The following EHMT1 variants were observed in gnomAD, a reference collection of about 807,000 sequenced individuals.
The protein encoded by EHMT1 is histone-lysine N-methyltransferase EHMT1.
Under a neutral mutation model 147.2 loss-of-function variants are expected in EHMT1, and 15 were observed. The observed-to-expected ratio is 0.10, with a 90% CI of 0.07 to 0.16. EHMT1 has a LOEUF of 0.16. EHMT1 is among the 10% of genes least tolerant of loss of function. EHMT1 has a pLI of 1.00. For synonymous variants in EHMT1, 795 were observed against 709.6 expected, an observed-to-expected ratio of 1.12 and a Z score of -1.91; for missense variants, 1,587 against 1,772.4, an observed-to-expected ratio of 0.90 and a Z score of 1.88.
At chr9:137,668,397 A>G (rs1463817035) in intron 1 of EHMT1, among the ~76,000 whole-genome samples, 13 of 151,254 alleles carry the variant, frequency 8.6e-5, no homozygotes, top group Middle Eastern at 3.4e-3. Flanking sequence ...ACTGTCTACT[A>G]TCCACCTCAC....
intron 25 of EHMT1, among the ~76,000 whole-genome samples, chr9:137,829,388 C>T (rs1179525365): frequency 6.6e-6 from 1 of 152,202 alleles, no homozygotes; most frequent in Non-Finnish European, 1.5e-5. Context: ...TCCTATTCCC[C>T]CACTTGGACT....
intron 6 of EHMT1, among the ~76,000 whole-genome samples, chr9:137,748,858 C>G (rs1564686657): frequency 6.6e-6 from 1 of 152,052 alleles, no homozygotes; most frequent in Non-Finnish European, 1.5e-5. Context: ...GTTGTGTAGT[C>G]GACATGATTC....
intron 1 of EHMT1, among the ~76,000 whole-genome samples, chr9:137,672,915 T>C (rs1314057591): frequency 6.6e-6 from 1 of 152,198 alleles, no homozygotes; most frequent in Non-Finnish European, 1.5e-5. Context: ...CTTTACCGAT[T>C]GCAGAGAATT....
Position 137,787,750 on chromosome 9 carries a change from G to A in EHMT1, c.2383-3098G>A, listed in dbSNP as rs1952104484. On this transcript the variant is annotated intron_variant, in intron 15 of 26. Coordinates refer to ENST00000460843, the MANE Select transcript of EHMT1 (RefSeq NM_024757.5). This position sits in a 1 kb window ranked among gnomAD's most constrained non-coding sequence, Gnocchi z 4.2. ...CCACCGAAACATCGTAGATGCTTTT[G>A]TTGGGTGACACACCCTGGAAGAGGG... The A allele has an allele frequency of 1.3e-6, 1 of 789,178 alleles. No homozygotes were observed. Among genetic ancestry groups the A allele is most frequent in the Non-Finnish European group, 2.2e-6 (1 of 448,322 alleles). 48.9% of individuals were successfully genotyped at this position (789,178 alleles called of 1,614,324 possible).
chr9:137,777,865 G>T lies in EHMT1; in HGVS notation c.2019-17G>T, dbSNP rs375371535. On this transcript the variant is annotated splice_polypyrimidine_tract_variant and intron_variant, in intron 12 of 26. Transcript: ENST00000460843. ...TTCGTGTTTTCATAAACCTTTCCCCGATTTCCTCCCCTGAAGTGCTGCCGG... is the reference window on the plus strand; with the variant it reads ...TTCGTGTTTTCATAAACCTTTCCCCTATTTCCTCCCCTGAAGTGCTGCCGG... 12 of 1,611,882 alleles carry T rather than the reference G, an allele frequency of 7.4e-6. No individual in the cohort carries two copies. The highest frequency in any genetic ancestry group is 1.0e-5 in the Non-Finnish European group (12 of 1,179,996).
chr9:137,637,936 G>C (rs993554386), intron 1 of EHMT1, among the ~76,000 whole-genome samples: 4 of 151,942 alleles, frequency 2.6e-5, no homozygotes, highest in Admixed American at 6.6e-5. Flanking sequence ...TGGCATCCAG[G>C]TTATCTAGTT....
At chr9:137,725,410 A>G (rs1231107443) in intron 3 of EHMT1, among the ~76,000 whole-genome samples, 1 of 152,132 alleles carries the variant, frequency 6.6e-6, no homozygotes, top group Non-Finnish European at 1.5e-5. Flanking sequence ...TGAAGGAGGA[A>G]GGAGAGCATT....
chr9:137,790,703 A>T, intron 15 of EHMT1, 145 bp from the exon 16 acceptor site: 1 of 1,069,940 alleles, frequency 9.3e-7, no homozygotes, highest in Admixed American at 1.8e-5. Context: ...ATGTCTTTGA[A>T]TACGTGTTTA....
chr9:137,816,579 C>T (rs1341479650), intron 23 of EHMT1: 5 of 177,676 alleles, frequency 2.8e-5, no homozygotes, highest in Non-Finnish European at 6.1e-5. Context: ...GTCCCCTGAC[C>T]GCCCAGCAGC....
chr9:137,715,403 T>G (rs548591847), intron 2 of EHMT1, among the ~76,000 whole-genome samples: 6 of 152,336 alleles, frequency 3.9e-5, no homozygotes, highest in African/African-American at 1.4e-4. Flanking sequence ...GTGCTCAGGG[T>G]ACACTGGTAA....
At chr9:137,653,320 C>A (rs1476872457) in intron 1 of EHMT1, among the ~76,000 whole-genome samples, 1 of 152,124 alleles carries the variant, frequency 6.6e-6, no homozygotes, top group Non-Finnish European at 1.5e-5. Context: ...AGGTTTGTAG[C>A]CCAGGAGCAA....
intron 18 of EHMT1, among the ~76,000 whole-genome samples, chr9:137,805,172 G>A (rs776042286): frequency 1.1e-4 from 16 of 151,264 alleles, no homozygotes; most frequent in Non-Finnish European, 1.9e-4. Flanking sequence ...TGTGTCATTC[G>A]TCCACGTGTG....
At chr9:137,743,640 C>G in intron 5 of EHMT1, 112 bp downstream of exon 5, 1 of 1,477,872 alleles carries the variant, frequency 6.8e-7, no homozygotes, top group Non-Finnish European at 9.4e-7. Context: ...GGTGCCAGTG[C>G]CATGAAGCTC....
At chr9:137,799,480 A>G (rs1475321472) in intron 17 of EHMT1, among the ~76,000 whole-genome samples, 1 of 152,120 alleles carries the variant, frequency 6.6e-6, no homozygotes, top group Non-Finnish European at 1.5e-5. Flanking sequence ...CCTCACACAC[A>G]GGGGCCACCT....
Position 137,716,912 on chromosome 9 carries a change from A to G in EHMT1, c.372A>G (p.Gly124=). 6.2e-7 allele frequency: 1 copy of G among 1,613,026 alleles called. No individual in the cohort carries two copies. Residue 124 remains glycine (G), a synonymous_variant, in exon 3 of 27, where the codon GGA becomes GGG. Transcript: ENST00000460843. ...FVQTSVIGSN[G]YILNKPALQA... is the part of the protein sequence containing the mutation. ...AGACTTCTGTCATCGGCAGCAACGG[A>G]TACATCTTAAATAAGCCGGCCCTAC...
intron 1 of EHMT1, among the ~76,000 whole-genome samples, chr9:137,699,463 A>T (rs1479654696): frequency 6.6e-6 from 1 of 152,196 alleles, no homozygotes; most frequent in Non-Finnish European, 1.5e-5. Context: ...ACTCGAGGTC[A>T]GGAGTTTGAG....
rs946335113 is a variant in EHMT1, at chr9:137,657,634, G to A, written c.21+38585G>A. On this transcript the variant is annotated intron_variant, in intron 1 of 26. Transcript: ENST00000460843. ...ACAATCACACCAGGGTAACTGGGGT[G>A]TCCATCACCTCAAGCGTTGATCCTG... Among the ~76,000 whole-genome samples the A allele has an allele frequency of 1.3e-4, 19 of 151,946 alleles. 1 individual carries two copies. The highest frequency in any genetic ancestry group is 3.9e-4 in the African/African-American group (16 of 41,360).
chr9:137,771,685 C>T (rs11137220), intron 10 of EHMT1, among the ~76,000 whole-genome samples: 2 of 140,990 alleles, frequency 1.4e-5, no homozygotes, highest in Non-Finnish European at 2.9e-5. Context: ...CCGAGGAGAC[C>T]GGGGTGGCGG....
chr9:137,801,209 G>C (rs1261849251), intron 18 of EHMT1, among the ~76,000 whole-genome samples: 1 of 152,206 alleles, frequency 6.6e-6, no homozygotes, highest in Non-Finnish European at 1.5e-5. Flanking sequence ...TGCGGGTTCA[G>C]AGGGCGCTGC....
Sources: allele counts gnomAD v4.1 joint callset (sites outside exome capture counted in the v4.1 genomes callset), GRCh38; gene constraint gnomAD v4.1.1; non-coding constraint Gnocchi (gnomAD v3.1); transcripts MANE v1.5; gene names NCBI Gene and HGNC (gene_info 2026-07-23, HGNC 2026-07-21).